Variants in TMEM70 observed in about 807,000 individuals in gnomAD.
TMEM70 encodes the protein transmembrane protein 70.
TMEM70 carries 15 observed loss-of-function variants against 20.5 expected under a neutral mutation model. The observed-to-expected ratio is 0.73, with a 90% CI of 0.49 to 1.13. The LOEUF (loss-of-function observed/expected upper bound fraction) is 1.13, where lower values mean the gene tolerates loss of function less well. Among genes scored for constraint, TMEM70 ranks in the 50% most tolerant of loss-of-function variants. The pLI is 0.00. For synonymous variants in TMEM70, 141 were observed against 134.2 expected (o/e 1.05, Z -0.35); for missense variants, 344 against 331.7 (o/e 1.04, Z -0.29).
At position 73,981,379 on chromosome 8, in the gene TMEM70, G is replaced by A; in HGVS notation, c.541G>A (p.Ala181Thr). Residue 181 changes from alanine (A) to threonine (T), a missense_variant, in exon 3 of 3, where the codon GCC (alanine) becomes ACC (threonine). By Grantham distance (58) the Ala-to-Thr change is moderately conservative (BLOSUM62 0). Coordinates refer to ENST00000312184, the MANE Select transcript of TMEM70 (RefSeq NM_017866.6). ...TGAGGCCACAACAGACACTTATAAA[G>A]CCATTACCTACAATGCTATGCTTGC... ...YHEATTDTYKAITYNAMLAET... is the reference protein window; with the variant it reads ...YHEATTDTYKTITYNAMLAET... 6.2e-7 allele frequency: 1 copy of A among 1,614,166 alleles called. No homozygotes were observed. Among genetic ancestry groups the A allele is most frequent in the Non-Finnish European group, 8.5e-7 (1 of 1,180,028 alleles).
chr8:73,980,285 C>T (rs2383922), intron 2 of TMEM70, among the ~76,000 whole-genome samples: 37,468 of 152,004 alleles, frequency 0.25, 4,997 homozygotes, highest in Non-Finnish European at 0.3. Context: ...GACAGGATTT[C>T]GCCATGCTGG....
In TMEM70 at chr8:73,976,462, C is replaced by A. The variant is rs1305749565; in HGVS notation, c.181C>A (p.Arg61Ser). The change falls in exon 1 of 3, where the codon CGC becomes AGC. Residue 61 changes from arginine to serine, a missense_variant. Transcript: ENST00000312184. ...GAGTACGGGGCCTTCGGGAGCCGCG[C>A]GCCTTCTCCGGCGTCCGGGTCGAGC... The part of the protein sequence containing the change: ...GWSTGPSGAA[R>S]LLRRPGRAQI... 1.1e-5 allele frequency: 17 copies of A among 1,547,512 alleles called. No homozygotes were observed. The highest frequency in any genetic ancestry group is 1.4e-5 in the Non-Finnish European group (16 of 1,153,036).
chr8:73,976,611 A>AG, intron 1 of TMEM70, 120 bp downstream of exon 1: 1 of 1,049,486 alleles, frequency 9.5e-7, no homozygotes, highest in Non-Finnish European at 1.3e-6. Flanking sequence ...GGAGCGCGGG[A>AG]GGAGCCCCCT....
In TMEM70 at chr8:73,982,092, T is replaced by C. The variant is rs1334654725; in HGVS notation, c.*471T>C. On this transcript the variant is annotated 3_prime_UTR_variant, in exon 3 of 3. Coordinates refer to ENST00000312184, the MANE Select transcript of TMEM70 (RefSeq NM_017866.6). ...TGCTGTTGCCTGAGGACCAAGTCTGTCAGGAAGCTGGCTAGGAAGCCTTGC... is the reference window on the plus strand; with the variant it reads ...TGCTGTTGCCTGAGGACCAAGTCTGCCAGGAAGCTGGCTAGGAAGCCTTGC... 1 of 476,046 alleles carries C rather than the reference T, an allele frequency of 2.1e-6. No homozygotes were observed. The highest frequency in any genetic ancestry group is 6.3e-5 in the East Asian group (1 of 15,894). The allele number at this position is 476,046 out of a possible 1,614,324, so 29.5% of individuals were successfully genotyped here.
Position 73,982,166 on chromosome 8 carries a change from G to A in TMEM70, c.*545G>A, listed in dbSNP as rs1234542334. The A allele has an allele frequency of 9.3e-6, 5 of 540,028 alleles. No homozygotes were observed. Among genetic ancestry groups the A allele is most frequent in the Non-Finnish European group, 1.8e-5 (5 of 273,850 alleles). 33.5% of individuals were successfully genotyped at this position (540,028 alleles called of 1,614,324 possible). On this transcript the variant is annotated 3_prime_UTR_variant, in exon 3 of 3. Transcript: ENST00000312184. ...CCAGAAAAACACCCGTGGAGTCAGA[G>A]GTGGCAATTCACCGAATTCATATCA...
At chr8:73,980,072 G>A (rs765939221) in intron 2 of TMEM70, among the ~76,000 whole-genome samples, 1 of 152,050 alleles carries the variant, frequency 6.6e-6, no homozygotes, top group East Asian at 1.9e-4. Context: ...TGGTATCTCA[G>A]TGTTTTTTTT....
rs1258636454 is a variant in TMEM70 at position 73,982,286 on chromosome 8, A to G, written c.*665A>G. On this transcript the variant is annotated 3_prime_UTR_variant, in exon 3 of 3. Transcript: ENST00000312184. ...AGAATCAGTGAAAGGACCAGTTTGA[A>G]TGCCTACCAAGACTTTGAGAATCAC... The G allele has an allele frequency of 9.7e-6, 6 of 619,470 alleles. No individual in the cohort carries two copies. The highest frequency in any genetic ancestry group is 1.8e-5 in the Non-Finnish European group (6 of 325,872). 38.4% of individuals were successfully genotyped at this position (619,470 alleles called of 1,614,324 possible).
At position 73,976,489 on chromosome 8, in the gene TMEM70, C is replaced by T; in HGVS notation, c.208C>T (p.Gln70Ter). 2.0e-6 allele frequency: 3 copies of T among 1,527,540 alleles called. No individual in the cohort carries two copies. Among genetic ancestry groups the T allele is most frequent in the Non-Finnish European group, 2.6e-6 (3 of 1,142,634 alleles). 94.6% of individuals were successfully genotyped at this position (1,527,540 alleles called of 1,614,324 possible). A position where few individuals can be genotyped will look rare whatever the true frequency, so the allele number is the denominator to read the frequency against. ...CCTTCTCCGGCGTCCGGGTCGAGCG[C>T]AGGTAGGGCGTCCGAGGTCTGGTGT... ...ARLLRRPGRA[Q>*]IPVYWEGYVR... is the part of the protein sequence containing the mutation. The change falls in exon 1 of 3, where the codon CAG becomes TAG. Residue 70 changes from glutamine to a stop codon, truncating the protein, a stop_gained and splice_region_variant. Coordinates refer to ENST00000312184, the MANE Select transcript of TMEM70 (RefSeq NM_017866.6). LOFTEE classifies it high-confidence loss of function.
At chr8:73,980,228 A>G (rs1207867629) in intron 2 of TMEM70, among the ~76,000 whole-genome samples, 1 of 152,174 alleles carries the variant, frequency 6.6e-6, no homozygotes, top group Non-Finnish European at 1.5e-5. Flanking sequence ...AGCTGGGATT[A>G]TAGGTGCATG....
Position 73,980,000 on chromosome 8 carries a change from T to C in TMEM70, c.316+1139T>C, listed in dbSNP as rs190436747. Among the ~76,000 whole-genome samples, 297 of 152,388 alleles carry C rather than the reference T, an allele frequency of 1.9e-3. 1 individual carries two copies. Among genetic ancestry groups the C allele is most frequent in the African/African-American group, 6.5e-3 (272 of 41,602 alleles). On this transcript the variant is annotated intron_variant, in intron 2 of 2. Coordinates refer to ENST00000312184, the MANE Select transcript of TMEM70 (RefSeq NM_017866.6). ...TTCCAAAGTGCTGAGATTACAGGCATGAGCCACTGCACTCTGCTAGAAGTC... is the reference window on the plus strand; with the variant it reads ...TTCCAAAGTGCTGAGATTACAGGCACGAGCCACTGCACTCTGCTAGAAGTC...
intron 1 of TMEM70, among the ~76,000 whole-genome samples, chr8:73,977,579 C>T (rs1815684056): frequency 6.6e-6 from 1 of 152,172 alleles, no homozygotes; most frequent in African/African-American, 2.4e-5. Flanking sequence ...TTAATACTAT[C>T]ATATAAATAT....
rs1815809047 is a variant in TMEM70 at position 73,981,760 on chromosome 8, G to A, written c.*139G>A. 3.8e-6 allele frequency: 3 copies of A among 789,276 alleles called. No individual in the cohort carries two copies. Among genetic ancestry groups the A allele is most frequent in the Non-Finnish European group, 6.4e-6 (3 of 469,178 alleles). 48.9% of individuals were successfully genotyped at this position (789,276 alleles called of 1,614,324 possible). On this transcript the variant is annotated 3_prime_UTR_variant, in exon 3 of 3. Transcript: ENST00000312184. ...AAGCTTTTAATTTCCAGAGAATGAT[G>A]TTTGTTTATAATAAAACAAGCTATG...
chr8:73,979,174 A>G (rs1251555874), intron 2 of TMEM70: 2 of 445,866 alleles, frequency 4.5e-6, no homozygotes, highest in Admixed American at 5.8e-5. Flanking sequence ...GATTACAGGT[A>G]TGCACCACCA....
chr8:73,979,934 C>T (rs1363871026), intron 2 of TMEM70, among the ~76,000 whole-genome samples: 3 of 152,168 alleles, frequency 2.0e-5, no homozygotes, highest in African/African-American at 7.2e-5. Context: ...GGTGCCTAGG[C>T]TGGTCTCAAA....
chr8:73,978,620 G>C, intron 1 of TMEM70, 136 bp from the exon 2 acceptor site: 1 of 831,504 alleles, frequency 1.2e-6, no homozygotes, highest in Non-Finnish European at 1.9e-6. Flanking sequence ...AACCCGGGAA[G>C]CAGAGGTTGC....
rs1397722218 is a variant in TMEM70 at position 73,981,577 on chromosome 8, A to G, written c.739A>G (p.Met247Val). ...GYDKEEFILY[M>V]EETSEEKRHK... ...TGACAAAGAAGAATTTATTTTGTAT[A>G]TGGAAGAAACCAGTGAAGAGAAACG... The change falls in exon 3 of 3, where the codon ATG becomes GTG. Residue 247 changes from methionine (M) to valine (V), a missense_variant. By Grantham distance (21) the Met-to-Val change is conservative (BLOSUM62 1). Coordinates refer to ENST00000312184, the MANE Select transcript of TMEM70 (RefSeq NM_017866.6). 3.1e-6 allele frequency: 5 copies of G among 1,612,914 alleles called. No homozygotes were observed. Among genetic ancestry groups the G allele is most frequent in the Non-Finnish European group, 4.2e-6 (5 of 1,179,592 alleles).
In TMEM70 at chr8:73,981,624, C is replaced by T; in HGVS notation, c.*3C>T. 1 of 1,589,662 alleles carries T rather than the reference C, an allele frequency of 6.3e-7. No homozygotes were observed. The highest frequency in any genetic ancestry group is 1.1e-5 in the South Asian group (1 of 90,584). On this transcript the variant is annotated 3_prime_UTR_variant, in exon 3 of 3. Transcript: ENST00000312184. ...AACGGCATAAAGATGACAAATGAGCCTATTTGTTAGTGTTCGTGCTCAAAT... is the reference window on the plus strand; with the variant it reads ...AACGGCATAAAGATGACAAATGAGCTTATTTGTTAGTGTTCGTGCTCAAAT...
At position 73,981,650 on chromosome 8, in the gene TMEM70, G is replaced by A. The variant is rs780620441; in HGVS notation, c.*29G>A. ...TATTTGTTAGTGTTCGTGCTCAAAT[G>A]TGATTTACGTTTTAATGTATAATAA... is the stretch of plus-strand genomic sequence containing the variant. On this transcript the variant is annotated 3_prime_UTR_variant, in exon 3 of 3. Transcript: ENST00000312184. 7.2e-5 allele frequency: 106 copies of A among 1,465,652 alleles called. No individual in the cohort carries two copies. Among genetic ancestry groups the A allele is most frequent in the Non-Finnish European group, 9.7e-5 (102 of 1,056,334 alleles). 90.8% of individuals were successfully genotyped at this position (1,465,652 alleles called of 1,614,324 possible). A position where few individuals can be genotyped will look rare whatever the true frequency, so the allele number is the denominator to read the frequency against.
chr8:73,982,036 C>T lies in TMEM70; in HGVS notation c.*415C>T. ...TCATAGGTGGTGCGGAGCTGTGGTC[C>T]ACCTGCTCCTGCTCCTGACTCACTG... On this transcript the variant is annotated 3_prime_UTR_variant, in exon 3 of 3. Transcript: ENST00000312184. 1 of 465,920 alleles carries T rather than the reference C, an allele frequency of 2.1e-6. No individual in the cohort carries two copies. 28.9% of individuals were successfully genotyped at this position (465,920 alleles called of 1,614,324 possible).
Sources: allele counts gnomAD v4.1 joint callset (sites outside exome capture counted in the v4.1 genomes callset), GRCh38; gene constraint gnomAD v4.1.1; transcripts MANE v1.5; gene names NCBI Gene and HGNC (gene_info 2026-07-23, HGNC 2026-07-21).